The following TGM4 variants were observed in gnomAD, a reference collection of about 807,000 sequenced individuals.
TGM4 encodes the protein transglutaminase 4.
Under a neutral mutation model 76.3 loss-of-function variants are expected in TGM4, and 61 were observed. The ratio of observed to expected loss-of-function variants is 0.80; its 90% CI spans 0.65 to 0.99. TGM4 has a LOEUF of 0.99. Among genes scored for constraint, TGM4 ranks in the 50% least tolerant of loss-of-function variants. The pLI is 0.00. For synonymous variants in TGM4, 337 were observed against 329.8 expected, an observed-to-expected ratio of 1.02 and a Z score of -0.24; for missense variants, 794 against 843.2, an observed-to-expected ratio of 0.94 and a Z score of 0.72.
chr3:44,897,579 C>T (rs1699796655), intron 6 of TGM4, among the ~76,000 whole-genome samples: 1 of 152,166 alleles, frequency 6.6e-6, no homozygotes, highest in African/African-American at 2.4e-5. Flanking sequence ...TTCTGCCTGG[C>T]CACTTGGAAG....
chr3:44,890,624 TC>T lies in TGM4; in HGVS notation c.327del (p.Asn110MetfsTer9). On this transcript the variant is annotated frameshift_variant, in exon 4 of 14. Coordinates refer to ENST00000296125, the MANE Select transcript of TGM4 (RefSeq NM_003241.4). LOFTEE classifies it high-confidence loss of function. Reference protein sequence around the residue: ...GKEVTVAVTSSPNAILGKYQL... With the variant: ...GKEVTVAVTSXPNAILGKYQL... Reference sequence around the variant, plus strand: ...TCAGGTCACAGTGGCTGTCACCAGTTCCCCCAATGCCATCCTGGGCAAGTAC... The same window carrying T: ...TCAGGTCACAGTGGCTGTCACCAGTTCCCCAATGCCATCCTGGGCAAGTAC... 1 of 1,614,028 alleles carries T rather than the reference TC, an allele frequency of 6.2e-7. No homozygotes were observed. Among genetic ancestry groups the T allele is most frequent in the Non-Finnish European group, 8.5e-7 (1 of 1,179,976 alleles).
intron 1 of TGM4, among the ~76,000 whole-genome samples, 182 bp downstream of exon 1, chr3:44,874,879 T>C (rs1234507453): frequency 1.3e-5 from 2 of 152,240 alleles, no homozygotes; most frequent in African/African-American, 2.4e-5. Context: ...CATTTAGGCA[T>C]AATTTCAGAT....
intron 6 of TGM4, chr3:44,899,276 G>T (rs554002298): frequency 6.6e-6 from 1 of 152,454 alleles, no homozygotes; most frequent in African/African-American, 2.4e-5. Context: ...GTTCGCCAAA[G>T]GCTGCACAGT....
In TGM4 at chr3:44,910,976, C is replaced by T; in HGVS notation, c.1625C>T (p.Thr542Ile). Reference sequence around the variant, plus strand: ...TTGGCAGTATCAGAAGTGACTCTGACCTTGGACTCCAAGACCTACATCAAC... The same window carrying T: ...TTGGCAGTATCAGAAGTGACTCTGATCTTGGACTCCAAGACCTACATCAAC... ...IQGQVSEVTL[T>I]LDSKTYINSL... Residue 542 changes from threonine (T) to isoleucine (I), a missense_variant, in exon 12 of 14, where the codon ACC becomes ATC. Thr to Ile is a moderately conservative substitution (Grantham distance 89). Coordinates refer to ENST00000296125, the MANE Select transcript of TGM4 (RefSeq NM_003241.4). 6.2e-7 allele frequency: 1 copy of T among 1,614,140 alleles called. No homozygotes were observed. Among genetic ancestry groups the T allele is most frequent in the Non-Finnish European group, 8.5e-7 (1 of 1,180,022 alleles).
chr3:44,878,766 G>A (rs1699486644), intron 1 of TGM4, among the ~76,000 whole-genome samples: 1 of 152,088 alleles, frequency 6.6e-6, no homozygotes, highest in Admixed American at 6.5e-5. Context: ...ACAGGCGTGA[G>A]CCGCTGCGCC....
rs200750202 is a variant in TGM4, at chr3:44,878,370, A to AT, written c.19+3677dup. Among the ~76,000 whole-genome samples the AT allele has an allele frequency of 3.8e-4, 57 of 151,778 alleles. 2 individuals are homozygous for AT. In the East Asian group the frequency reaches 0.011, roughly 29 times the overall value. ...AAAGATACCTAGATACTTTATAGTG[A>AT]TTTTCTCTGGAGAAAGGATCTGGGA... On this transcript the variant is annotated intron_variant, in intron 1 of 13. Transcript: ENST00000296125.
intron 6 of TGM4, chr3:44,899,508 A>G (rs1376487900): frequency 2.0e-5 from 3 of 152,166 alleles, no homozygotes; most frequent in African/African-American, 4.8e-5. Context: ...CAGGTTCCCT[A>G]TAAAGGTTGC....
intron 2 of TGM4, among the ~76,000 whole-genome samples, chr3:44,886,329 A>G (rs1472290583): frequency 6.6e-6 from 1 of 152,050 alleles, no homozygotes; most frequent in African/African-American, 2.4e-5. Context: ...GACAAGAGTG[A>G]AACTCCGTCT....
At chr3:44,879,255 CTCTCTCTCTCTA>C (rs1175556532) in intron 1 of TGM4, among the ~76,000 whole-genome samples, 139 of 99,904 alleles carry the variant, frequency 1.4e-3, no homozygotes, top group African/African-American at 3.4e-3. Context: ...CTCTCTCTCT[CTCTCTCTCTCTA>C]TATATATATA....
At chr3:44,898,211 G>A (rs971850329) in intron 6 of TGM4, among the ~76,000 whole-genome samples, 1 of 151,504 alleles carries the variant, frequency 6.6e-6, no homozygotes, top group Admixed American at 6.6e-5. Context: ...AACCCGAGAG[G>A]CAGAGGTTGC....
intron 10 of TGM4, among the ~76,000 whole-genome samples, chr3:44,909,640 T>C (rs1699973670): frequency 6.6e-6 from 1 of 152,194 alleles, no homozygotes; most frequent in African/African-American, 2.4e-5. Flanking sequence ...GCTAGGCTGC[T>C]GGTTTTCACT....
rs1032438990 is a variant in TGM4, at chr3:44,914,367, T to G, written c.*642T>G. On this transcript the variant is annotated 3_prime_UTR_variant, in exon 14 of 14. Coordinates refer to ENST00000296125, the MANE Select transcript of TGM4 (RefSeq NM_003241.4). ...CCTGAACTCACCATAGAGACCCATG[T>G]CAGCAAACGGTGACCAGCAAATCCT... The G allele has an allele frequency of 1.1e-4, 17 of 152,300 alleles. No individual in the cohort carries two copies. The highest frequency in any genetic ancestry group is 4.1e-4 in the African/African-American group (17 of 41,428). The allele number at this position is 152,300 out of a possible 1,614,324, so 9.4% of individuals were successfully genotyped here. A position where few individuals can be genotyped will look rare whatever the true frequency, so the allele number is the denominator to read the frequency against.
chr3:44,906,439 A>G (rs1482576940), intron 9 of TGM4, among the ~76,000 whole-genome samples: 1 of 152,244 alleles, frequency 6.6e-6, no homozygotes, highest in Non-Finnish European at 1.5e-5. Flanking sequence ...TAGAATGGAA[A>G]TGTTCTTATT....
rs762569716 is a variant in TGM4, at chr3:44,885,418, G to A, written c.113G>A (p.Arg38Gln). 29 of 1,613,664 alleles carry A rather than the reference G, an allele frequency of 1.8e-5. No individual in the cohort carries two copies. The highest frequency in any genetic ancestry group is 2.2e-5 in the East Asian group (1 of 44,894). The change falls in exon 2 of 14, where the codon CGA becomes CAA. Residue 38 changes from arginine (R) to glutamine (Q), a missense_variant. Transcript: ENST00000296125. ...EFQTSSPVFR[R>Q]GQVFHLRLVL... ...CAAACGAGCAGTCCTGTGTTCCGGC[G>A]AGGACAGGTGTTTCACCTGCGGCTG...
Position 44,901,512 on chromosome 3 carries a change from C to G in TGM4, c.658-12C>G. ...GGGGCGGACACTGACCCCACCCCTA[C>G]GTGTGTGGCAGATGAGCTTTGAGAA... On this transcript the variant is annotated splice_polypyrimidine_tract_variant and intron_variant, in intron 6 of 13. Transcript: ENST00000296125. 6.3e-7 allele frequency: 1 copy of G among 1,596,828 alleles called. No individual in the cohort carries two copies. Among genetic ancestry groups the G allele is most frequent in the Non-Finnish European group, 8.6e-7 (1 of 1,168,274 alleles).
chr3:44,907,130 A>C lies in TGM4; in HGVS notation c.1257A>C (p.Lys419Asn). Reference protein sequence around the residue: ...VISMETTSIGKNISTKAVGQD... With the variant: ...VISMETTSIGNNISTKAVGQD... ...CAATGGAGACCACAAGCATCGGGAA[A>C]AACATCAGCACCAAGGCAGTGGGCC... The change falls in exon 10 of 14, where the codon AAA becomes AAC. Residue 419 changes from lysine (K) to asparagine (N), a missense_variant. Transcript: ENST00000296125. The C allele has an allele frequency of 6.2e-7, 1 of 1,614,126 alleles. No individual in the cohort carries two copies. The highest frequency in any genetic ancestry group is 8.5e-7 in the Non-Finnish European group (1 of 1,180,022).
At chr3:44,875,468 GT>G (rs1197720735) in intron 1 of TGM4, among the ~76,000 whole-genome samples, 1 of 152,198 alleles carries the variant, frequency 6.6e-6, no homozygotes, top group Non-Finnish European at 1.5e-5. Flanking sequence ...GCTTCTCAGA[GT>G]GGGGAATAGC....
chr3:44,910,071 GC>G lies in TGM4; in HGVS notation c.1328-17del. On this transcript the variant is annotated intron_variant, in intron 10 of 13. Transcript: ENST00000296125. ...CTTGAAGGAGCACCTGAAGGAAGCT[GC>G]CTTTGTGTCTCTTTCAGGCTCCTCT... 1 of 1,608,120 alleles carries G rather than the reference GC, an allele frequency of 6.2e-7. No homozygotes were observed. The highest frequency in any genetic ancestry group is 1.1e-5 in the South Asian group (1 of 90,584).
intron 2 of TGM4, 43 bp from the exon 3 acceptor site, chr3:44,887,646 G>A: frequency 6.4e-7 from 1 of 1,567,784 alleles, no homozygotes; most frequent in Non-Finnish European, 8.8e-7. Flanking sequence ...TGTCTTGGGG[G>A]TGGCCCATGG....
Sources: gnomAD v4.1 joint callset for allele counts (sites outside exome capture counted in the v4.1 genomes callset) on GRCh38, gnomAD v4.1.1 for gene constraint, MANE v1.5 for transcripts, NCBI Gene and HGNC (gene_info 2026-07-23, HGNC 2026-07-21) for gene names.